The following TULP3 variants were observed in gnomAD, a reference collection of about 807,000 sequenced individuals.
TULP3 encodes the protein TUB like protein 3, also known as tubby-related protein 3.
TULP3 carries 38 observed loss-of-function variants against 50.7 expected under a neutral mutation model. The observed-to-expected ratio is 0.75, with a 90% CI of 0.58 to 0.98. The LOEUF (loss-of-function observed/expected upper bound fraction) is 0.98, where lower values mean the gene tolerates loss of function less well. Ranked by LOEUF, TULP3 falls within the 50% of genes least tolerant of loss-of-function variation. The pLI, the probability that TULP3 is intolerant of heterozygous loss-of-function variation, is 0.00. For synonymous variants in TULP3, 183 were observed against 196.6 expected, an observed-to-expected ratio of 0.93 and a Z score of 0.58; for missense variants, 550 against 568.0, an observed-to-expected ratio of 0.97 and a Z score of 0.32.
intron 2 of TULP3, among the ~76,000 whole-genome samples, chr12:2,917,471 CAA>C (rs111993395): frequency 1.5e-5 from 2 of 133,604 alleles, no homozygotes; most frequent in Non-Finnish European, 3.2e-5. Context: ...GACTCTGTCT[CAA>C]AAAAAAAAAA....
intron 6 of TULP3, among the ~76,000 whole-genome samples, 199 bp downstream of exon 6, chr12:2,931,439 C>T (rs1756908032): frequency 6.6e-6 from 1 of 152,178 alleles, no homozygotes; most frequent in Non-Finnish European, 1.5e-5. Flanking sequence ...CTCTACCCTC[C>T]CACAAATAAG....
At chr12:2,909,476 T>A in intron 1 of TULP3, 53 bp from the exon 2 acceptor site, 1 of 1,516,720 alleles carries the variant, frequency 6.6e-7, no homozygotes. Flanking sequence ...AAGATGAAAT[T>A]GACAAGGCGT....
At chr12:2,912,186 G>T (rs2098186074) in intron 2 of TULP3, among the ~76,000 whole-genome samples, 1 of 152,220 alleles carries the variant, frequency 6.6e-6, no homozygotes, top group African/African-American at 2.4e-5. Context: ...TTATTCAGCT[G>T]TGTGATTTTA....
intron 1 of TULP3, among the ~76,000 whole-genome samples, chr12:2,898,934 A>C (rs2159418): frequency 0.49 from 74,383 of 151,718 alleles, 18,951 homozygotes; most frequent in African/African-American, 0.64. Context: ...CCACATAGGC[A>C]TCGCAAAGTG....
chr12:2,894,942 A>C (rs2098174622), intron 1 of TULP3, among the ~76,000 whole-genome samples: 1 of 152,150 alleles, frequency 6.6e-6, no homozygotes, highest in South Asian at 2.1e-4. Context: ...GAAAATAAAT[A>C]ACATTCCCGA....
chr12:2,903,888 A>T (rs2098180719), intron 1 of TULP3, among the ~76,000 whole-genome samples: 1 of 151,890 alleles, frequency 6.6e-6, no homozygotes. Flanking sequence ...GGTTCAAGCG[A>T]TTCTGTAGCC....
Position 2,920,920 on chromosome 12 carries a change from A to G in TULP3, c.251A>G (p.His84Arg), listed in dbSNP as rs570541745. Reference protein sequence around the residue: ...CHTPHSNVILHGIDGPAAVLK... With the variant: ...CHTPHSNVILRGIDGPAAVLK... Reference sequence around the variant, plus strand: ...ACTCCCCACAGCAATGTCATCTTACATGGTGTGTATTTAGGCAGCATCACT... The same window carrying G: ...ACTCCCCACAGCAATGTCATCTTACGTGGTGTGTATTTAGGCAGCATCACT... The change falls in exon 3 of 11, where the codon CAT (histidine) becomes CGT (arginine). Residue 84 changes from histidine (H) to arginine (R), a missense_variant and splice_region_variant. By Grantham distance (29) the His-to-Arg change is conservative. Coordinates refer to ENST00000448120, the MANE Select transcript of TULP3 (RefSeq NM_003324.5). The G allele has an allele frequency of 6.9e-5, 112 of 1,614,108 alleles. 3 individuals are homozygous for G. The South Asian group carries it at 9.9e-4, about 14-fold the overall frequency.
chr12:2,910,046 A>C (rs1277187001), intron 2 of TULP3, among the ~76,000 whole-genome samples: 5 of 152,168 alleles, frequency 3.3e-5, no homozygotes, highest in Non-Finnish European at 7.3e-5. Context: ...TCATCCCAGC[A>C]CTGTGGGAGG....
intron 7 of TULP3, 64 bp downstream of exon 7, chr12:2,933,594 C>A: frequency 5.2e-6 from 5 of 952,910 alleles, no homozygotes; most frequent in South Asian, 1.5e-5. Context: ...AGTTGCAGAA[C>A]AGTCCTTATC....
In TULP3 at chr12:2,939,241, G is replaced by C. The variant is rs1439326012; in HGVS notation, c.1196-70G>C. ...GCAAAACCCCATCTAAGAAAAGGAA[G>C]AAAAAGAAAAAGATTTCCCTGAGTG... is the stretch of plus-strand genomic sequence containing the variant. On this transcript the variant is annotated intron_variant, in intron 10 of 10. Transcript: ENST00000448120. This position sits in a 1 kb window ranked among gnomAD's most constrained non-coding sequence, Gnocchi z 4.0. 2 of 1,545,742 alleles carry C rather than the reference G, an allele frequency of 1.3e-6. No homozygotes were observed. Among genetic ancestry groups the C allele is most frequent in the Non-Finnish European group, 1.8e-6 (2 of 1,131,964 alleles).
intron 2 of TULP3, among the ~76,000 whole-genome samples, chr12:2,918,649 T>C (rs2098190061): frequency 1.3e-5 from 2 of 152,030 alleles, no homozygotes; most frequent in Admixed American, 1.3e-4. Flanking sequence ...CAAGCGATTC[T>C]CCCGCCTCAG....
At chr12:2,929,330 G>A (rs2098196567) in intron 4 of TULP3, among the ~76,000 whole-genome samples, 1 of 152,168 alleles carries the variant, frequency 6.6e-6, no homozygotes, top group South Asian at 2.1e-4. Flanking sequence ...AAAAAAAAGA[G>A]TTCGGGTGTA....
intron 6 of TULP3, 78 bp from the exon 7 acceptor site, chr12:2,933,340 A>C (rs758442148): frequency 4.7e-6 from 4 of 854,098 alleles, no homozygotes; most frequent in Non-Finnish European, 4.0e-6. Context: ...GGCTGAATGA[A>C]TATGTAGGAC....
intron 6 of TULP3, among the ~76,000 whole-genome samples, chr12:2,931,824 T>C (rs1452579340): frequency 1.3e-5 from 2 of 152,162 alleles, no homozygotes; most frequent in African/African-American, 4.8e-5. Context: ...ATTGAGTGTT[T>C]ACGACAGACC....
chr12:2,917,884 AAAG>A (rs1214048016), intron 2 of TULP3, among the ~76,000 whole-genome samples: 1 of 151,586 alleles, frequency 6.6e-6, no homozygotes, highest in African/African-American at 2.4e-5. Context: ...CTCAAAAAAA[AAAG>A]AAAATATTTT....
At chr12:2,934,236 G>A (rs1201879444) in intron 7 of TULP3, among the ~76,000 whole-genome samples, 2 of 152,194 alleles carry the variant, frequency 1.3e-5, no homozygotes, top group South Asian at 2.1e-4. Flanking sequence ...GCGACAGAGC[G>A]AGACCCTGTC....
chr12:2,937,750 A>G, intron 9 of TULP3, 21 bp downstream of exon 9: 1 of 1,578,670 alleles, frequency 6.3e-7, no homozygotes, highest in Non-Finnish European at 8.7e-7. Flanking sequence ...ATGTATTTAA[A>G]TCAGTGAAAG....
chr12:2,910,242 G>A (rs902550005), intron 2 of TULP3, among the ~76,000 whole-genome samples: 4 of 152,042 alleles, frequency 2.6e-5, no homozygotes, highest in East Asian at 1.9e-4. Context: ...GCAGTGAGGC[G>A]GAGCTTGCAG....
At chr12:2,913,006 T>C (rs972434307) in intron 2 of TULP3, among the ~76,000 whole-genome samples, 1 of 150,828 alleles carries the variant, frequency 6.6e-6, no homozygotes, top group Admixed American at 6.7e-5. Context: ...ACAGTCTCCC[T>C]CTGTCGCCAG....
Sources: allele counts gnomAD v4.1 joint callset (sites outside exome capture counted in the v4.1 genomes callset), GRCh38; gene constraint gnomAD v4.1.1; non-coding constraint Gnocchi (gnomAD v3.1); transcripts MANE v1.5; gene names NCBI Gene and HGNC (gene_info 2026-07-23, HGNC 2026-07-21).